Variants in PPP1CC observed in about 807,000 individuals in gnomAD.
The protein encoded by PPP1CC is protein phosphatase 1 catalytic subunit gamma.
PPP1CC carries 16 observed loss-of-function variants against 38.4 expected under a neutral mutation model. The ratio of observed to expected loss-of-function variants is 0.42; its 90% CI spans 0.28 to 0.63. The LOEUF is 0.63. PPP1CC is among the 30% of genes least tolerant of loss of function. The probability of loss-of-function intolerance (pLI) is 0.25; values close to 1 mark genes in which losing one functional copy is unlikely to be tolerated. For missense variants in PPP1CC, 170 were observed against 391.3 expected (o/e 0.43, Z 4.77); for synonymous variants, 158 against 136.0 (o/e 1.16, Z -1.13).
intron 3 of PPP1CC, among the ~76,000 whole-genome samples, chr12:110,729,961 A>C (rs1031715316): frequency 6.6e-6 from 1 of 152,248 alleles, no homozygotes; most frequent in African/African-American, 2.4e-5. Flanking sequence ...TTAAATCTTA[A>C]AGCAACCATT....
intron 1 of PPP1CC, chr12:110,732,820 G>C (rs138850448): frequency 6.6e-6 from 1 of 152,322 alleles, no homozygotes; most frequent in Non-Finnish European, 1.5e-5. Context: ...TTGTCAGCAC[G>C]TAGGTAGTTG....
At chr12:110,742,410 G>A (rs1158067780) in intron 1 of PPP1CC, among the ~76,000 whole-genome samples, 5 of 152,278 alleles carry the variant, frequency 3.3e-5, no homozygotes, top group East Asian at 3.9e-4. Flanking sequence ...CGGCCGGGAG[G>A]AAGCCTGCAT....
Position 110,742,860 on chromosome 12 carries a change from C to T in PPP1CC, c.-153G>A, listed in dbSNP as rs919133779. 2 of 465,974 alleles carry T rather than the reference C, an allele frequency of 4.3e-6. No individual in the cohort carries two copies. Among genetic ancestry groups the T allele is most frequent in the Non-Finnish European group, 7.2e-6 (2 of 276,180 alleles). The allele number at this position is 465,974 out of a possible 1,614,324, so 28.9% of individuals were successfully genotyped here. On this transcript the variant is annotated 5_prime_UTR_variant, in exon 1 of 7. Transcript: ENST00000335007. The stretch of plus-strand genomic sequence containing the variant: ...CCCCCTGCCACCCCGCTCCCTACTT[C>T]CTCCTTCTCTCCCCACTGGAACCAC...
At chr12:110,737,766 T>C (rs2069964143) in intron 1 of PPP1CC, among the ~76,000 whole-genome samples, 1 of 151,604 alleles carries the variant, frequency 6.6e-6, no homozygotes, top group African/African-American at 2.4e-5. Context: ...GCAACACCCC[T>C]GTCTTTAAGA....
At chr12:110,723,958 G>A (rs2069767015) in intron 4 of PPP1CC, among the ~76,000 whole-genome samples, 1 of 152,282 alleles carries the variant, frequency 6.6e-6, no homozygotes, top group African/African-American at 2.4e-5. Context: ...ACACTCTTCT[G>A]CCGGGCGTGG....
intron 1 of PPP1CC, chr12:110,732,439 G>A (rs1266921937): frequency 1.3e-5 from 2 of 153,684 alleles, no homozygotes; most frequent in Non-Finnish European, 2.9e-5. Flanking sequence ...AAAAGAAACA[G>A]GATTGGAAAT....
At chr12:110,727,837 A>G (rs2069818444) in intron 3 of PPP1CC, among the ~76,000 whole-genome samples, 1 of 152,188 alleles carries the variant, frequency 6.6e-6, no homozygotes, top group Non-Finnish European at 1.5e-5. Flanking sequence ...ATGGCAAATT[A>G]TATCTGCCTG....
intron 1 of PPP1CC, among the ~76,000 whole-genome samples, chr12:110,737,289 C>T (rs1466799698): frequency 4.0e-5 from 6 of 150,366 alleles, no homozygotes; most frequent in Non-Finnish European, 8.9e-5. Context: ...ACCAGCCTGG[C>T]CAACATGGTA....
At chr12:110,739,438 G>A (rs2069987003) in intron 1 of PPP1CC, among the ~76,000 whole-genome samples, 1 of 150,866 alleles carries the variant, frequency 6.6e-6, no homozygotes, top group African/African-American at 2.4e-5. Flanking sequence ...ATTATCTTTA[G>A]GACCAGGGAT....
At chr12:110,715,699 A>G (rs1294316550), downstream of PPP1CC, among the ~76,000 whole-genome samples, 1 of 151,646 alleles carries the variant, frequency 6.6e-6, no homozygotes, top group Admixed American at 6.6e-5. Context: ...GCTCACTGCA[A>G]CCTCTGCCTC....
chr12:110,736,687 C>A (rs2069948006), intron 1 of PPP1CC, among the ~76,000 whole-genome samples: 1 of 152,138 alleles, frequency 6.6e-6, no homozygotes, highest in Non-Finnish European at 1.5e-5. Flanking sequence ...TTATTTACAA[C>A]ACCAGCTCTT....
chr12:110,721,115 C>T lies in PPP1CC; in HGVS notation c.933G>A (p.Thr311=), dbSNP rs773812357. Reference sequence around the variant, plus strand: ...GCTTTGTGATCATACCCCTTGGAGGCGTTACAGGTCTCGTGGCATTTGGCT... The same window carrying T: ...GCTTTGTGATCATACCCCTTGGAGGTGTTACAGGTCTCGTGGCATTTGGCT... ...KKKPNATRPV[T]PPRGMITKQA... Residue 311 remains threonine, a synonymous_variant, in exon 7 of 7, where the codon ACG becomes ACA. Transcript: ENST00000335007. The T allele has an allele frequency of 2.7e-5, 44 of 1,613,732 alleles. No individual in the cohort carries two copies. The highest frequency in any genetic ancestry group is 3.3e-5 in the Non-Finnish European group (39 of 1,179,794).
chr12:110,742,545 C>A, intron 1 of PPP1CC, 108 bp downstream of exon 1: 1 of 946,784 alleles, frequency 1.1e-6, no homozygotes, highest in South Asian at 2.7e-5. Context: ...TCACTCCCCA[C>A]GGTGCTGCAA....
chr12:110,737,992 C>T (rs748931808), intron 1 of PPP1CC, among the ~76,000 whole-genome samples: 3 of 151,982 alleles, frequency 2.0e-5, no homozygotes, highest in Non-Finnish European at 4.4e-5. Flanking sequence ...GTCTACTGTT[C>T]TCAATAAAGC....
At chr12:110,733,923 A>G (rs1337008188) in intron 1 of PPP1CC, among the ~76,000 whole-genome samples, 1 of 152,216 alleles carries the variant, frequency 6.6e-6, no homozygotes, top group Non-Finnish European at 1.5e-5. Context: ...AGAAAGAAAA[A>G]AGTTATATAA....
In PPP1CC at chr12:110,720,196, C is replaced by T. The variant is rs1231373803; in HGVS notation, c.*880G>A. ...GCTTTCTGAATGGACGGGTTCAGGC[C>T]TGATGCAACTGTAAAAAGATTACTT... is the stretch of plus-strand genomic sequence containing the variant. On this transcript the variant is annotated 3_prime_UTR_variant, in exon 7 of 7. Coordinates refer to ENST00000335007, the MANE Select transcript of PPP1CC (RefSeq NM_002710.4). The T allele has an allele frequency of 3.9e-6, 6 of 1,550,232 alleles. No individual in the cohort carries two copies. The highest frequency in any genetic ancestry group is 2.6e-6 in the Non-Finnish European group (3 of 1,153,280).
chr12:110,713,530 T>C, the PPP1CC span, among the ~76,000 whole-genome samples: 1 of 152,088 alleles, frequency 6.6e-6, no homozygotes, highest in Non-Finnish European at 1.5e-5. Flanking sequence ...CTCTACCTAA[T>C]AAGTTGTACT....
downstream of PPP1CC, among the ~76,000 whole-genome samples, chr12:110,716,364 T>G (rs1259718830): frequency 6.6e-6 from 1 of 152,114 alleles, no homozygotes; most frequent in Non-Finnish European, 1.5e-5. Context: ...AACTTTTTTT[T>G]TTTTTTGAGA....
chr12:110,721,755 A>C (rs1305032637), intron 6 of PPP1CC: 5 of 259,218 alleles, frequency 1.9e-5, no homozygotes, highest in African/African-American at 8.9e-5. Flanking sequence ...GTTTTGTGGA[A>C]GTTAGACTAG....
Sources: allele counts gnomAD v4.1 joint callset (sites outside exome capture counted in the v4.1 genomes callset), GRCh38; gene constraint gnomAD v4.1.1; transcripts MANE v1.5; gene names NCBI Gene and HGNC (gene_info 2026-07-23, HGNC 2026-07-21).